The following BACE2 variants were observed in gnomAD, a reference collection of about 807,000 sequenced individuals.
The protein encoded by BACE2 is 56 kDa aspartic-like protease.
BACE2 carries 17 observed loss-of-function variants against 46.2 expected under a neutral mutation model. The observed-to-expected ratio is 0.37, with a 90% CI of 0.25 to 0.55. The LOEUF is 0.55. Ranked by LOEUF, BACE2 falls within the 20% of genes least tolerant of loss-of-function variation. The pLI, the probability that BACE2 is intolerant of heterozygous loss-of-function variation, is 0.82. For missense variants in BACE2, 595 were observed against 698.1 expected (o/e 0.85, Z 1.66); for synonymous variants, 277 against 295.9 (o/e 0.94, Z 0.66).
At chr21:41,211,173 C>G (rs1196346904) in intron 1 of BACE2, among the ~76,000 whole-genome samples, 1 of 150,036 alleles carries the variant, frequency 6.7e-6, no homozygotes, top group African/African-American at 2.5e-5. Context: ...CCCCCCTCCC[C>G]ATCCCTCTCC....
intron 8 of BACE2, among the ~76,000 whole-genome samples, chr21:41,262,559 G>T (rs937584548): frequency 2.0e-5 from 3 of 152,072 alleles, no homozygotes; most frequent in African/African-American, 7.2e-5. Flanking sequence ...GAAAAACCCT[G>T]TTGGGATTTC....
intron 2 of BACE2, among the ~76,000 whole-genome samples, chr21:41,236,111 A>G (rs1246656306): frequency 1.3e-5 from 2 of 152,220 alleles, no homozygotes; most frequent in Non-Finnish European, 1.5e-5. Context: ...GCATGGTTTG[A>G]GTTCATAGAC....
chr21:41,246,034 G>T lies in BACE2; in HGVS notation c.955G>T (p.Val319Leu). ...LRLPQKVFDA[V>L]VEAVARASLI... ...CCTGCCCCAGAAGGTGTTTGATGCG[G>T]TGGTGGAAGCTGTGGCCCGCGCATC... Residue 319 changes from valine (V) to leucine (L), a missense_variant, in exon 6 of 9, where the codon GTG (valine) becomes TTG (leucine). By Grantham distance (32) the Val-to-Leu change is conservative. Coordinates refer to ENST00000330333, the MANE Select transcript of BACE2 (RefSeq NM_012105.5). The T allele has an allele frequency of 6.2e-7, 1 of 1,609,366 alleles. No individual in the cohort carries two copies.
rs377089086 is a variant in BACE2, at chr21:41,182,967, G to A, written c.312+14392G>A. On this transcript the variant is annotated intron_variant, in intron 1 of 8. Coordinates refer to ENST00000330333, the MANE Select transcript of BACE2 (RefSeq NM_012105.5). ...TTGAACCTCCCATTTAGTAACTTCC[G>A]GATTAGACAAAAAATTTTTTCTCAA... 134 of 165,750 alleles carry A rather than the reference G, an allele frequency of 8.1e-4. 1 individual carries two copies. The highest frequency in any genetic ancestry group is 3.4e-3 in the Middle Eastern group (1 of 296). The allele number at this position is 165,750 out of a possible 1,614,324, so 10.3% of individuals were successfully genotyped here. A position where few individuals can be genotyped will look rare whatever the true frequency, so the allele number is the denominator to read the frequency against.
intron 3 of BACE2, among the ~76,000 whole-genome samples, chr21:41,238,796 A>C (rs1291567853): frequency 2.1e-5 from 2 of 97,530 alleles, no homozygotes; most frequent in Non-Finnish European, 3.8e-5. Context: ...CACTCTGGGG[A>C]CTGTGGTGGG....
chr21:41,221,720 C>A (rs1436381880), intron 1 of BACE2, among the ~76,000 whole-genome samples: 1 of 150,444 alleles, frequency 6.6e-6, no homozygotes, highest in Non-Finnish European at 1.5e-5. Context: ...CCCAGCTACT[C>A]GGGAGGCTGA....
chr21:41,211,734 CCTAT>C (rs1346499851), intron 1 of BACE2, among the ~76,000 whole-genome samples: 4 of 152,234 alleles, frequency 2.6e-5, no homozygotes, highest in African/African-American at 9.6e-5. Context: ...TGCTAATTTT[CCTAT>C]CTATTAACCT....
chr21:41,226,278 G>A lies in BACE2; in HGVS notation c.325G>A (p.Val109Ile), dbSNP rs751479561. 40 of 1,611,984 alleles carry A rather than the reference G, an allele frequency of 2.5e-5. No homozygotes were observed. The highest frequency in any genetic ancestry group is 4.0e-5 in the African/African-American group (3 of 74,434). The change falls in exon 2 of 9, where the codon GTT becomes ATT. Residue 109 changes from valine (V) to isoleucine (I), a missense_variant. Physicochemically the swap from Val to Ile is conservative, Grantham distance 29. Transcript: ENST00000330333. ...TAAAACATAAAAGCTACAGATTCTC[G>A]TTGACACTGGAAGCAGTAACTTTGC... ...GTPPQKLQIL[V>I]DTGSSNFAVA...
chr21:41,220,496 A>T (rs761723621), intron 1 of BACE2, among the ~76,000 whole-genome samples: 1 of 152,176 alleles, frequency 6.6e-6, no homozygotes, highest in Non-Finnish European at 1.5e-5. Context: ...ATACAAAAAC[A>T]CATCACTTTG....
At chr21:41,201,179 C>T (rs895893838) in intron 1 of BACE2, among the ~76,000 whole-genome samples, 1 of 152,214 alleles carries the variant, frequency 6.6e-6, no homozygotes, top group Non-Finnish European at 1.5e-5. Context: ...CTGGACCATG[C>T]AAAATGTTTA....
intron 8 of BACE2, among the ~76,000 whole-genome samples, chr21:41,272,657 G>A (rs188146591): frequency 4.6e-5 from 7 of 151,710 alleles, no homozygotes; most frequent in Non-Finnish European, 5.9e-5. Context: ...AATGTCTTCC[G>A]TGTCTCTATT....
intron 2 of BACE2, among the ~76,000 whole-genome samples, chr21:41,229,265 C>T (rs1365341189): frequency 6.6e-6 from 1 of 152,230 alleles, no homozygotes; most frequent in Non-Finnish European, 1.5e-5. Flanking sequence ...AGAACCAACA[C>T]ACGTGGAGCT....
chr21:41,264,260 A>T (rs1988012836), intron 8 of BACE2, among the ~76,000 whole-genome samples: 1 of 144,942 alleles, frequency 6.9e-6, no homozygotes. Context: ...TATATTTTTC[A>T]TTTCTAGAAA....
rs534752412 is a variant in BACE2, at chr21:41,280,955, A to G, written c.*5331A>G. Reference sequence around the variant, plus strand: ...ATCACAAAGCTTCCTGATAAATTTGAATCCAGCCACGGCAAGAGCGACGTG... The same window carrying G: ...ATCACAAAGCTTCCTGATAAATTTGGATCCAGCCACGGCAAGAGCGACGTG... On this transcript the variant is annotated 3_prime_UTR_variant, in exon 9 of 9. Transcript: ENST00000330333. The G allele has an allele frequency of 3.3e-5, 5 of 152,398 alleles. No homozygotes were observed. The East Asian group carries it at 7.7e-4, about 24-fold the overall frequency. 9.4% of individuals were successfully genotyped at this position (152,398 alleles called of 1,614,324 possible). A position where few individuals can be genotyped will look rare whatever the true frequency, so the allele number is the denominator to read the frequency against.
At chr21:41,265,072 G>A (rs939630553) in intron 8 of BACE2, among the ~76,000 whole-genome samples, 1 of 150,926 alleles carries the variant, frequency 6.6e-6, no homozygotes, top group South Asian at 2.1e-4. Flanking sequence ...CTTCTTTTTA[G>A]TTTTTATTTA....
intron 8 of BACE2, 116 bp from the exon 9 acceptor site, chr21:41,275,254 TG>T: frequency 6.9e-7 from 1 of 1,445,672 alleles, no homozygotes; most frequent in Non-Finnish European, 9.5e-7. Context: ...TCTAAGCCAC[TG>T]GGACCTCAGT....
intron 8 of BACE2, among the ~76,000 whole-genome samples, chr21:41,259,173 C>T (rs1005673957): frequency 2.0e-5 from 3 of 152,190 alleles, no homozygotes; most frequent in Non-Finnish European, 2.9e-5. Context: ...CGTCTCTAGG[C>T]AGGGCAACTT....
chr21:41,256,263 C>T (rs1288021339), intron 7 of BACE2, among the ~76,000 whole-genome samples: 1 of 152,096 alleles, frequency 6.6e-6, no homozygotes, highest in African/African-American at 2.4e-5. Flanking sequence ...CTGACAGGTC[C>T]TGGTGTGTGA....
chr21:41,206,378 T>G (rs1986123885), intron 1 of BACE2, among the ~76,000 whole-genome samples: 1 of 152,152 alleles, frequency 6.6e-6, no homozygotes, highest in Non-Finnish European at 1.5e-5. Flanking sequence ...AGCACCACCT[T>G]GGGGATTAGG....
Sources: allele counts gnomAD v4.1 joint callset (sites outside exome capture counted in the v4.1 genomes callset), GRCh38; gene constraint gnomAD v4.1.1; transcripts MANE v1.5; gene names NCBI Gene and HGNC (gene_info 2026-07-23, HGNC 2026-07-21).